The following UNC5C variants were observed in gnomAD, a reference collection of about 807,000 sequenced individuals.
UNC5C encodes the protein unc-5 netrin receptor C, also known as netrin receptor UNC5C.
In UNC5C, 47 loss-of-function variants were observed where a neutral mutation model predicts 99.8. The observed-to-expected ratio is 0.47, with a 90% CI of 0.37 to 0.60. The LOEUF (loss-of-function observed/expected upper bound fraction) is 0.60. Among genes scored for constraint, UNC5C ranks in the 20% least tolerant of loss-of-function variants. The pLI is 0.00. For missense variants in UNC5C, 1,062 were observed against 1,165.9 expected (o/e 0.91, Z 1.30); for synonymous variants, 487 against 452.2 (o/e 1.08, Z -0.98).
At chr4:95,318,631 C>A (rs1742566813) in intron 2 of UNC5C, among the ~76,000 whole-genome samples, 1 of 152,186 alleles carries the variant, frequency 6.6e-6, no homozygotes, top group African/African-American at 2.4e-5. Context: ...CAGAGGGCAT[C>A]ATTGTCCAGG....
At chr4:95,516,268 A>G (rs1251613061) in intron 1 of UNC5C, among the ~76,000 whole-genome samples, 1 of 152,204 alleles carries the variant, frequency 6.6e-6, no homozygotes, top group Non-Finnish European at 1.5e-5. Flanking sequence ...TTGTCCCAGT[A>G]TATGGCTCCT....
In UNC5C at chr4:95,354,806, A is replaced by G. The variant is rs200056334; in HGVS notation, c.125-19175T>C. 3.9e-5 allele frequency among the ~76,000 whole-genome samples: 6 copies of G among 151,948 alleles called. No homozygotes were observed. In the East Asian group the frequency reaches 1.2e-3, roughly 30 times the overall value. On this transcript the variant is annotated intron_variant, in intron 1 of 15. Coordinates refer to ENST00000453304, the MANE Select transcript of UNC5C (RefSeq NM_003728.4). ...CCAGCCAGCATCATTTCTTTTAGGA[A>G]GTTTTCTCTGACTCTCTTCACCTGT...
intron 2 of UNC5C, among the ~76,000 whole-genome samples, chr4:95,315,521 C>T (rs986807491): frequency 6.6e-6 from 1 of 152,182 alleles, no homozygotes; most frequent in African/African-American, 2.4e-5. Flanking sequence ...GAACAAACAG[C>T]TTCAATCATG....
intron 1 of UNC5C, among the ~76,000 whole-genome samples, chr4:95,518,755 A>T (rs1039113397): frequency 6.6e-6 from 1 of 152,260 alleles, no homozygotes; most frequent in Admixed American, 6.5e-5. Flanking sequence ...ATTTCAAAGT[A>T]TAATTAAATA....
chr4:95,174,814 C>G (rs201436901), intron 14 of UNC5C, among the ~76,000 whole-genome samples: 57,770 of 136,350 alleles, frequency 0.42, 14,183 homozygotes, highest in Middle Eastern at 0.56. Flanking sequence ...CTTTCTGTCT[C>G]ATTGATCTGT....
intron 14 of UNC5C, among the ~76,000 whole-genome samples, chr4:95,181,219 G>A (rs1305769139): frequency 6.6e-6 from 1 of 152,210 alleles, no homozygotes; most frequent in South Asian, 2.1e-4. Flanking sequence ...CATGACTGAA[G>A]GCTGGTCTCT....
chr4:95,209,144 T>C (rs1471783794), intron 10 of UNC5C, among the ~76,000 whole-genome samples: 2 of 152,182 alleles, frequency 1.3e-5, no homozygotes, highest in Non-Finnish European at 2.9e-5. Context: ...GTGTGTAGAC[T>C]TCATCTGAAC....
chr4:95,470,684 A>C (rs1747940252), intron 1 of UNC5C, among the ~76,000 whole-genome samples: 1 of 152,148 alleles, frequency 6.6e-6, no homozygotes, highest in Admixed American at 6.6e-5. Context: ...AATAAGTCAG[A>C]TGCACATCAA....
intron 4 of UNC5C, among the ~76,000 whole-genome samples, chr4:95,268,430 C>G (rs1263886934): frequency 6.6e-6 from 1 of 152,162 alleles, no homozygotes; most frequent in Non-Finnish European, 1.5e-5. Context: ...AGAGATACTT[C>G]AGAGATAGGT....
intron 10 of UNC5C, 100 bp from the exon 11 acceptor site, chr4:95,206,896 G>T: frequency 6.6e-6 from 6 of 913,426 alleles, no homozygotes; most frequent in South Asian, 2.9e-5. Flanking sequence ...GTTTTCTCCT[G>T]GAATTCTTTT....
At chr4:95,456,019 G>A (rs139646030) in intron 1 of UNC5C, among the ~76,000 whole-genome samples, 353 of 152,208 alleles carry the variant, frequency 2.3e-3, no homozygotes, top group African/African-American at 7.9e-3. Context: ...CCAAAGAAAT[G>A]ACTGCTACCC....
chr4:95,358,850 T>G (rs1208316744), intron 1 of UNC5C, among the ~76,000 whole-genome samples: 1 of 152,202 alleles, frequency 6.6e-6, no homozygotes, highest in Non-Finnish European at 1.5e-5. Flanking sequence ...TTGCAAGACC[T>G]AAATCTACTT....
intron 2 of UNC5C, among the ~76,000 whole-genome samples, chr4:95,302,309 A>G (rs1579308894): frequency 1.3e-5 from 2 of 152,348 alleles, no homozygotes; most frequent in Non-Finnish European, 1.5e-5. Flanking sequence ...GTTTTCATGC[A>G]TAATAGTTTG....
chr4:95,540,892 C>G (rs1722901288), intron 1 of UNC5C, among the ~76,000 whole-genome samples: 1 of 152,074 alleles, frequency 6.6e-6, no homozygotes, highest in Admixed American at 6.5e-5. Flanking sequence ...TGTATAATAA[C>G]ATAGTGCTCT....
chr4:95,361,548 G>T (rs1332046745), intron 1 of UNC5C, among the ~76,000 whole-genome samples: 1 of 152,170 alleles, frequency 6.6e-6, no homozygotes, highest in African/African-American at 2.4e-5. Context: ...TCCTGTGAGT[G>T]TGGGCTGCAG....
chr4:95,179,566 GT>G (rs1290494999), intron 14 of UNC5C, among the ~76,000 whole-genome samples: 1 of 152,036 alleles, frequency 6.6e-6, no homozygotes, highest in Non-Finnish European at 1.5e-5. Context: ...AGCCAACGTG[GT>G]GAAACCCTGT....
intron 1 of UNC5C, among the ~76,000 whole-genome samples, chr4:95,398,043 G>GTTTTTTTTTT (rs1745570466): frequency 5.2e-5 from 4 of 76,942 alleles, no homozygotes; most frequent in African/African-American, 3.8e-4. Context: ...GCCAAATGTA[G>GTTTTTTTTTT]CTTTTTTTTT....
intron 7 of UNC5C, among the ~76,000 whole-genome samples, chr4:95,227,145 T>G (rs549008531): frequency 1.3e-5 from 2 of 152,138 alleles, no homozygotes; most frequent in East Asian, 3.9e-4. Context: ...CAATGTTTTT[T>G]TTTTTTTTTA....
At chr4:95,299,522 G>A (rs915473802) in intron 3 of UNC5C, among the ~76,000 whole-genome samples, 2 of 152,190 alleles carry the variant, frequency 1.3e-5, no homozygotes, top group Non-Finnish European at 2.9e-5. Flanking sequence ...GAGGCAAGAT[G>A]AGAGGTGTAT....
Sources: allele counts gnomAD v4.1 joint callset (sites outside exome capture counted in the v4.1 genomes callset), GRCh38; gene constraint gnomAD v4.1.1; transcripts MANE v1.5; gene names NCBI Gene and HGNC (gene_info 2026-07-23, HGNC 2026-07-21).